The following IFI27 variants were observed in gnomAD, a reference collection of about 807,000 sequenced individuals.
IFI27 encodes interferon alpha-inducible protein 27, mitochondrial.
IFI27 carries 3 observed loss-of-function variants against 8.9 expected under a neutral mutation model. The ratio of observed to expected loss-of-function variants is 0.34; its 90% CI spans 0.15 to 0.87. The LOEUF is 0.87. IFI27 is among the 40% of genes least tolerant of loss of function. IFI27 has a pLI of 0.51. For synonymous variants in IFI27, 66 were observed against 67.3 expected (o/e 0.98, Z 0.09); for missense variants, 152 against 157.7 (o/e 0.96, Z 0.19).
chr14:94,111,379 G>A lies in IFI27; in HGVS notation c.-58-246G>A, dbSNP rs1887177748. Among the ~76,000 whole-genome samples, 1 of 152,190 alleles carries A rather than the reference G, an allele frequency of 6.6e-6. No homozygotes were observed. Among genetic ancestry groups the A allele is most frequent in the Non-Finnish European group, 1.5e-5 (1 of 68,044 alleles). On this transcript the variant is annotated intron_variant, in intron 1 of 4. Coordinates refer to ENST00000621160, the Ensembl canonical transcript of IFI27. The surrounding 1 kb of genome is among the most constrained non-coding windows in gnomAD (Gnocchi z 4.3). ...AAGACATTGGCGCTGGGACTTTCAG[G>A]AGAAAGAAAGCAGCCCCCCTGGGGA...
chr14:94,111,849 C>T lies in IFI27; in HGVS notation c.91+76C>T, dbSNP rs533941006. The T allele has an allele frequency of 4.1e-5, 46 of 1,119,668 alleles. No individual in the cohort carries two copies. Among genetic ancestry groups the T allele is most frequent in the East Asian group, 4.0e-4 (17 of 42,468 alleles). 69.4% of individuals were successfully genotyped at this position (1,119,668 alleles called of 1,614,324 possible). The stretch of plus-strand genomic sequence containing the variant: ...AGGGCGGGGGTCCTGTCCCGGGACC[C>T]GTGGGAGAGAAAATGGGGGACACCC... On this transcript the variant is annotated intron_variant, in intron 2 of 4. Coordinates refer to ENST00000621160, the Ensembl canonical transcript of IFI27. This position sits in a 1 kb window ranked among gnomAD's most constrained non-coding sequence, Gnocchi z 4.3.
intron 2 of IFI27, chr14:94,114,645 C>A: frequency 1.7e-6 from 1 of 601,108 alleles, no homozygotes. Context: ...AGGACAAGCA[C>A]TGAGGTCAAA....
Position 94,115,729 on chromosome 14 carries a change from TG to T in IFI27, c.122-45del, listed in dbSNP as rs3833508. ...GTCCCCAAGCCTGACTCAGTGTATC[TG>T]GGGGGGTCCCTTCTGAGCCCACGCA... On this transcript the variant is annotated intron_variant, in intron 3 of 4. Transcript: ENST00000621160. The T allele has an allele frequency of 5.1e-5, 80 of 1,563,378 alleles. No individual in the cohort carries two copies. The East Asian group carries it at 1.2e-3, about 24-fold the overall frequency.
rs921706836 is a variant in IFI27 at position 94,115,919 on chromosome 14, T to C, written c.260T>C (p.Leu87Pro). 8 of 1,586,080 alleles carry C rather than the reference T, an allele frequency of 5.0e-6. No individual in the cohort carries two copies. Among genetic ancestry groups the C allele is most frequent in the Middle Eastern group, 1.7e-4 (1 of 6,030 alleles). The change falls in exon 4 of 5, where the codon CTT (leucine) becomes CCT (proline). Residue 87 changes from leucine (L) to proline (P), a missense_variant. Leu to Pro is a moderately conservative substitution (Grantham distance 98). Transcript: ENST00000621160. ...GGGGGTGGAGTTGCCTCGGGCAGCC[T>C]TGTGGCTACTCTGCAGTCACTGGGT...
chr14:94,109,885 G>C (rs28489163), upstream of IFI27, among the ~76,000 whole-genome samples: 2 of 152,136 alleles, frequency 1.3e-5, no homozygotes, highest in African/African-American at 4.8e-5. Context: ...GCAGCTGCAG[G>C]GTGAGCCTGA....
chr14:94,112,410 T>C (rs1887227668), intron 2 of IFI27, among the ~76,000 whole-genome samples: 1 of 152,226 alleles, frequency 6.6e-6, no homozygotes, highest in South Asian at 2.1e-4. Flanking sequence ...TCCCATTCTA[T>C]TGCTTTTTTC....
At chr14:94,114,966 T>A in intron 3 of IFI27, 86 bp downstream of exon 3, 1 of 1,268,940 alleles carries the variant, frequency 7.9e-7, no homozygotes, top group South Asian at 1.2e-5. Flanking sequence ...CATGCCAATG[T>A]TTCCCTCACA....
chr14:94,111,191 C>T lies in IFI27; in HGVS notation c.-59+394C>T, dbSNP rs529129382. 1.9e-4 allele frequency among the ~76,000 whole-genome samples: 29 copies of T among 152,290 alleles called. No individual in the cohort carries two copies. The Middle Eastern group carries it at 0.01, about 54-fold the overall frequency. ...ATCGCGCTCCCTCATCTGTAACATG[C>T]GGAGGAGGAGGGTCCCATCTTTTTC... On this transcript the variant is annotated intron_variant, in intron 1 of 4. Coordinates refer to ENST00000621160, the Ensembl canonical transcript of IFI27. This position sits in a 1 kb window ranked among gnomAD's most constrained non-coding sequence, Gnocchi z 4.3.
chr14:94,109,490 C>A (rs573286914), upstream of IFI27, among the ~76,000 whole-genome samples: 1 of 152,108 alleles, frequency 6.6e-6, no homozygotes, highest in Non-Finnish European at 1.5e-5. Flanking sequence ...GTTCTGACCG[C>A]CAAGTGTCAG....
chr14:94,113,687 A>C (rs558138704), intron 2 of IFI27: 2 of 152,278 alleles, frequency 1.3e-5, no homozygotes, highest in Admixed American at 6.5e-5. Flanking sequence ...TTTGTGTGTC[A>C]GGGTGCAGGT....
chr14:94,114,265 G>GCAGAGTCTGAAGATTTTTTTT (rs1887302892), intron 2 of IFI27: 1 of 154,220 alleles, frequency 6.5e-6, no homozygotes, highest in East Asian at 1.9e-4. Flanking sequence ...CTGCCATGAG[G>GCAGAGTCTGAAGATTTTTTTT]ACTTATTAGT....
At chr14:94,115,028 G>A (rs923529956) in intron 3 of IFI27, 148 bp downstream of exon 3, 6 of 731,718 alleles carry the variant, frequency 8.2e-6, no homozygotes, top group Non-Finnish European at 1.2e-5. Context: ...GAACCAAGGA[G>A]CTAGAAATAC....
At position 94,116,021 on chromosome 14, in the gene IFI27, C is replaced by T; in HGVS notation, c.283+79C>T. 1 of 1,308,988 alleles carries T rather than the reference C, an allele frequency of 7.6e-7. No individual in the cohort carries two copies. Among genetic ancestry groups the T allele is most frequent in the East Asian group, 2.5e-5 (1 of 39,920 alleles). The allele number at this position is 1,308,988 out of a possible 1,614,324, so 81.1% of individuals were successfully genotyped here. A position where few individuals can be genotyped will look rare whatever the true frequency, so the allele number is the denominator to read the frequency against. On this transcript the variant is annotated intron_variant, in intron 4 of 4. Coordinates refer to ENST00000621160, the Ensembl canonical transcript of IFI27. This position sits in a 1 kb window ranked among gnomAD's most constrained non-coding sequence, Gnocchi z 4.3. ...CCAAGGACCCAGTCCCAATCTCAAC[C>T]CTATGAACCTCAATCTCCCTGTTCC...
upstream of IFI27, among the ~76,000 whole-genome samples, chr14:94,108,440 T>G (rs1887040484): frequency 6.6e-6 from 1 of 152,222 alleles, no homozygotes; most frequent in Non-Finnish European, 1.5e-5. Flanking sequence ...GGCCGTGTAT[T>G]GTTCCATCCA....
intron 2 of IFI27, chr14:94,114,622 C>T (rs1013034046): frequency 2.7e-5 from 15 of 565,092 alleles, no homozygotes; most frequent in Non-Finnish European, 4.8e-5. Context: ...GTCAGGGCCA[C>T]GTAAATTCAT....
intron 2 of IFI27, chr14:94,112,750 G>C (rs1326176592): frequency 2.0e-5 from 3 of 152,484 alleles, no homozygotes; most frequent in Non-Finnish European, 4.4e-5. Flanking sequence ...CTTGCTGGGG[G>C]CACTGGAGGC....
rs544899118 is a variant in IFI27, at chr14:94,115,873, T to C, written c.214T>C (p.Ser72Pro). 6 of 1,601,038 alleles carry C rather than the reference T, an allele frequency of 3.7e-6. No homozygotes were observed. In the Admixed American group the frequency reaches 6.8e-5, roughly 18 times the overall value. Residue 72 changes from serine to proline, a missense_variant, in exon 4 of 5, where the codon TCC (serine) becomes CCC (proline). Transcript: ENST00000621160. ...GTCCTCCATAGCAGCCAAGATGATGTCCGCGGCGGCCATTGCCAATGGGGG... is the reference window on the plus strand; with the variant it reads ...GTCCTCCATAGCAGCCAAGATGATGCCCGCGGCGGCCATTGCCAATGGGGG...
At chr14:94,114,714 C>T (rs1337835075) in intron 2 of IFI27, 137 bp from the exon 3 acceptor site, 24 of 783,294 alleles carry the variant, frequency 3.1e-5, no homozygotes, top group South Asian at 1.6e-4. Flanking sequence ...AAGCAAAGAG[C>T]GGTAGACAGG....
At position 94,115,697 on chromosome 14, in the gene IFI27, C is replaced by G. The variant is rs1887362974; in HGVS notation, c.122-84C>G. On this transcript the variant is annotated intron_variant, in intron 3 of 4. Transcript: ENST00000621160. The stretch of plus-strand genomic sequence containing the variant: ...CAAAGTTCACCTCTTTCTCCAGATC[C>G]CCTGGGGTCCCCAAGCCTGACTCAG... 9 of 1,400,568 alleles carry G rather than the reference C, an allele frequency of 6.4e-6. No individual in the cohort carries two copies. The South Asian group carries it at 1.2e-4, about 18-fold the overall frequency. The allele number at this position is 1,400,568 out of a possible 1,614,324, so 86.8% of individuals were successfully genotyped here. A position where few individuals can be genotyped will look rare whatever the true frequency, so the allele number is the denominator to read the frequency against.
Sources: gnomAD v4.1 joint callset for allele counts (sites outside exome capture counted in the v4.1 genomes callset) on GRCh38, gnomAD v4.1.1 for gene constraint, Gnocchi (gnomAD v3.1) non-coding constraint, MANE v1.5 for transcripts, NCBI Gene and HGNC (gene_info 2026-07-23, HGNC 2026-07-21) for gene names.